LRMDA: variants seen among roughly 807,000 people sequenced by gnomAD.
LRMDA encodes leucine-rich melanocyte differentiation-associated protein.
In LRMDA, 18 loss-of-function variants were observed where a neutral mutation model predicts 29.8. The ratio of observed to expected loss-of-function variants is 0.60; its 90% confidence interval spans 0.42 to 0.90. The LOEUF is 0.90. Among genes scored for constraint, LRMDA ranks in the 40% least tolerant of loss-of-function variants. The probability of loss-of-function intolerance (pLI) is 0.00; values close to 1 mark genes in which losing one functional copy is unlikely to be tolerated. For missense variants in LRMDA, 273 were observed against 273.9 expected, an observed-to-expected ratio of 1.00 and a Z score of 0.02; for synonymous variants, 125 against 109.4, an observed-to-expected ratio of 1.14 and a Z score of -0.89.
chr10:76,231,298 C>T (rs1852054539), intron 5 of LRMDA, among the ~76,000 whole-genome samples: 1 of 152,188 alleles, frequency 6.6e-6, no homozygotes, highest in Non-Finnish European at 1.5e-5. Context: ...GCAGACATGA[C>T]AATAGATACT....
intron 2 of LRMDA, among the ~76,000 whole-genome samples, chr10:75,850,918 A>G (rs185840756): frequency 1.4e-4 from 22 of 152,340 alleles, no homozygotes; most frequent in African/African-American, 5.3e-4. Flanking sequence ...GAACAATGAG[A>G]GAACATATTG....
Position 76,250,283 on chromosome 10 carries a change from T to C in LRMDA, c.517-74118T>C, listed in dbSNP as rs147898707. Among the ~76,000 whole-genome samples the C allele has an allele frequency of 4.6e-3, 703 of 152,320 alleles. 1 individual carries two copies. Among genetic ancestry groups the C allele is most frequent in the Middle Eastern group, 0.01 (3 of 294 alleles). ...CCTGGAAAAAATTCATTAGTTTGAC[T>C]CTCTTTTTAACTGCATTCCTATAAA... On this transcript the variant is annotated intron_variant, in intron 5 of 6. Transcript: ENST00000611255.
At chr10:75,487,951 T>C (rs1464322009) in intron 2 of LRMDA, among the ~76,000 whole-genome samples, 1 of 152,226 alleles carries the variant, frequency 6.6e-6, no homozygotes, top group Non-Finnish European at 1.5e-5. Flanking sequence ...AACTGCAGGA[T>C]TGTGCTGAGT....
At chr10:76,297,549 A>C (rs1357669121) in intron 5 of LRMDA, among the ~76,000 whole-genome samples, 1 of 152,174 alleles carries the variant, frequency 6.6e-6, no homozygotes, top group Non-Finnish European at 1.5e-5. Context: ...TGTTCATTCC[A>C]GCTTCCTTGT....
chr10:75,691,923 G>T (rs748832832), intron 2 of LRMDA, among the ~76,000 whole-genome samples: 3 of 152,078 alleles, frequency 2.0e-5, no homozygotes, highest in Non-Finnish European at 2.9e-5. Flanking sequence ...TCGAAATATG[G>T]CCAGGCACTG....
intron 6 of LRMDA, among the ~76,000 whole-genome samples, chr10:76,337,235 A>G (rs1840980681): frequency 6.6e-6 from 1 of 152,246 alleles, no homozygotes; most frequent in Non-Finnish European, 1.5e-5. Flanking sequence ...AGAGCTGTGC[A>G]TAAAGTGGGC....
At chr10:75,570,250 A>G (rs1430338) in intron 2 of LRMDA, among the ~76,000 whole-genome samples, 96,093 of 152,024 alleles carry the variant, frequency 0.63, 32,535 homozygotes, top group East Asian at 0.85. Flanking sequence ...ATGGGTTTGA[A>G]GTAATAGTTT....
At chr10:76,196,758 G>A (rs1259285126) in intron 5 of LRMDA, among the ~76,000 whole-genome samples, 1 of 152,214 alleles carries the variant, frequency 6.6e-6, no homozygotes, top group Non-Finnish European at 1.5e-5. Context: ...GCATGCAATT[G>A]CATTATATCC....
chr10:75,854,729 C>G lies in LRMDA; in HGVS notation c.132-181279C>G, dbSNP rs552462351. Among the ~76,000 whole-genome samples the G allele has an allele frequency of 3.9e-5, 6 of 152,056 alleles. No homozygotes were observed. The East Asian group carries it at 1.2e-3, about 30-fold the overall frequency. On this transcript the variant is annotated intron_variant, in intron 2 of 6. Transcript: ENST00000611255. ...GCTATCCCTCCCCACTCCCCCCACC[C>G]CACAACAGGCCCCAGTGTGTGATGT...
At chr10:75,476,941 C>T (rs932289949) in intron 2 of LRMDA, among the ~76,000 whole-genome samples, 28 of 152,132 alleles carry the variant, frequency 1.8e-4, no homozygotes, top group African/African-American at 6.3e-4. Flanking sequence ...GGCCTTCCCT[C>T]TGTGTGTCTA....
intron 5 of LRMDA, among the ~76,000 whole-genome samples, chr10:76,198,566 T>A (rs1166679515): frequency 6.6e-6 from 1 of 152,174 alleles, no homozygotes; most frequent in Non-Finnish European, 1.5e-5. Flanking sequence ...TGCTGAGCAG[T>A]GTTTATAACT....
At position 76,179,237 on chromosome 10, in the gene LRMDA, A is replaced by AG. The variant is rs778587466; in HGVS notation, c.516+120462dup. On this transcript the variant is annotated intron_variant, in intron 5 of 6. Transcript: ENST00000611255. ...TGAAAAGAATAGGATGCAATCAAGG[A>AG]GGGGGGGGTGGTGGAGGAGTAGAGG... is the stretch of plus-strand genomic sequence containing the variant. Among the ~76,000 whole-genome samples, 256 of 151,572 alleles carry AG rather than the reference A, an allele frequency of 1.7e-3. 4 individuals carry two copies. Among genetic ancestry groups the AG allele is most frequent in the African/African-American group, 5.0e-3 (206 of 41,334 alleles).
chr10:76,491,603 T>G (rs1440435145), intron 6 of LRMDA, among the ~76,000 whole-genome samples: 2 of 151,978 alleles, frequency 1.3e-5, no homozygotes, highest in African/African-American at 4.8e-5. Context: ...TTAGGATCCT[T>G]TCTTTATCCT....
chr10:76,155,046 C>CA (rs1341712479), intron 5 of LRMDA, among the ~76,000 whole-genome samples: 2 of 151,688 alleles, frequency 1.3e-5, no homozygotes, highest in Admixed American at 6.6e-5. Flanking sequence ...ATGTTCCCAT[C>CA]AAAAAAAACC....
chr10:75,737,160 G>A (rs1015974732), intron 2 of LRMDA, among the ~76,000 whole-genome samples: 1 of 152,120 alleles, frequency 6.6e-6, no homozygotes, highest in Non-Finnish European at 1.5e-5. Context: ...TGCCAGTGTT[G>A]ATTCCTTGGA....
intron 2 of LRMDA, among the ~76,000 whole-genome samples, chr10:75,683,196 A>G (rs1321441110): frequency 2.0e-5 from 3 of 152,224 alleles, no homozygotes; most frequent in African/African-American, 7.2e-5. Context: ...GTTGTTGAGC[A>G]GTATTAATAA....
chr10:76,270,238 A>C (rs530150392), intron 5 of LRMDA: 1 of 152,370 alleles, frequency 6.6e-6, no homozygotes, highest in African/African-American at 2.4e-5. Flanking sequence ...GAGCAACGCA[A>C]TGGAAAGTGT....
At chr10:75,980,961 C>A (rs1031551106) in intron 2 of LRMDA, among the ~76,000 whole-genome samples, 3 of 152,194 alleles carry the variant, frequency 2.0e-5, no homozygotes, top group African/African-American at 7.2e-5. Context: ...TCTCCCCTAG[C>A]ATGTTTTAAA....
chr10:76,214,596 G>A (rs572015991), intron 5 of LRMDA, among the ~76,000 whole-genome samples: 54 of 151,550 alleles, frequency 3.6e-4, no homozygotes, highest in South Asian at 1.0e-3. Context: ...CACCCACCTC[G>A]GCCTCCCAAA....
Sources: gnomAD v4.1 joint callset for allele counts (sites outside exome capture counted in the v4.1 genomes callset) on GRCh38, gnomAD v4.1.1 for gene constraint, MANE v1.5 for transcripts, NCBI Gene and HGNC (gene_info 2026-07-23, HGNC 2026-07-21) for gene names.